Variants in SMIM36 observed in about 807,000 individuals in gnomAD.
SMIM36 encodes small integral membrane protein 36.
intron 4 of SMIM36, among the ~76,000 whole-genome samples, chr17:55,466,746 G>A (rs1236099322): frequency 4.6e-5 from 7 of 152,148 alleles, no homozygotes; most frequent in African/African-American, 9.7e-5. Context: ...GAAGCACCCC[G>A]GGTCTGCTCA....
intron 4 of SMIM36, among the ~76,000 whole-genome samples, chr17:55,463,671 T>C (rs1284846099): frequency 6.6e-6 from 1 of 152,138 alleles, no homozygotes; most frequent in Non-Finnish European, 1.5e-5. Context: ...ACAAATATAA[T>C]AGGAGAATGT....
intron 1 of SMIM36, among the ~76,000 whole-genome samples, chr17:55,497,253 C>T (rs536032830): frequency 6.6e-6 from 1 of 152,030 alleles, no homozygotes; most frequent in Admixed American, 6.6e-5. Context: ...ATTCTACCTT[C>T]TTATTTATTT....
the SMIM36 span, among the ~76,000 whole-genome samples, chr17:55,529,609 TACACACACAC>T: frequency 6.3e-5 from 9 of 142,922 alleles, no homozygotes; most frequent in African/African-American, 2.3e-4. Flanking sequence ...CTACTAAAAA[TACACACACAC>T]ACACACACAC....
chr17:55,489,749 G>A (rs986363574), intron 1 of SMIM36, among the ~76,000 whole-genome samples: 1 of 152,164 alleles, frequency 6.6e-6, no homozygotes, highest in Non-Finnish European at 1.5e-5. Flanking sequence ...TTCCCAACCA[G>A]GCTGTAAATT....
chr17:55,510,696 C>T lies in SMIM36; in HGVS notation c.*174+183G>A, dbSNP rs117263457. On this transcript the variant is annotated intron_variant, in intron 1 of 4. Transcript: ENST00000636752. The stretch of plus-strand genomic sequence containing the variant: ...TTAGTCTCATTCCTTATCACACACA[C>T]GCACGTGCACGTGCACACACACACA... Among the ~76,000 whole-genome samples, 146 of 143,320 alleles carry T rather than the reference C, an allele frequency of 1.0e-3. 2 individuals carry two copies. The East Asian group carries it at 0.023, about 23-fold the overall frequency. 94.0% of individuals were successfully genotyped at this position (143,320 alleles called of 152,430 possible).
intron 4 of SMIM36, among the ~76,000 whole-genome samples, chr17:55,463,007 C>T (rs1221867123): frequency 6.6e-6 from 1 of 152,160 alleles, no homozygotes; most frequent in Admixed American, 6.5e-5. Flanking sequence ...TACCCAAGAA[C>T]ATTTGGCCTC....
In SMIM36 at chr17:55,511,179, G is replaced by A. The variant is rs1054786932; in HGVS notation, c.156C>T (p.Leu52=). Residue 52 remains leucine, a synonymous_variant, in exon 1 of 5, where the codon CTC becomes CTT. Coordinates refer to ENST00000636752, the Ensembl canonical transcript of SMIM36. Reference sequence around the variant, plus strand: ...CCAACCGGATGGAGGGCTGGGCCTCGAGAGTGGCCTCGGGCGCGTACTCCT... The same window carrying A: ...CCAACCGGATGGAGGGCTGGGCCTCAAGAGTGGCCTCGGGCGCGTACTCCT... 122 of 398,612 alleles carry A rather than the reference G, an allele frequency of 3.1e-4. No homozygotes were observed. The East Asian group carries it at 4.2e-3, about 14-fold the overall frequency. 24.7% of individuals were successfully genotyped at this position (398,612 alleles called of 1,614,324 possible). A position where few individuals can be genotyped will look rare whatever the true frequency, so the allele number is the denominator to read the frequency against.
At chr17:55,476,195 C>A (rs1190756479) in intron 3 of SMIM36, among the ~76,000 whole-genome samples, 1 of 152,144 alleles carries the variant, frequency 6.6e-6, no homozygotes, top group Non-Finnish European at 1.5e-5. Context: ...CCAGTTCCTG[C>A]CTTAACTGAT....
chr17:55,521,305 G>T, the SMIM36 span, among the ~76,000 whole-genome samples: 2 of 152,196 alleles, frequency 1.3e-5, no homozygotes, highest in Admixed American at 6.5e-5. Flanking sequence ...GCTTTTGAAA[G>T]TATTGACAAG....
At chr17:55,501,554 TATC>T (rs1448988377) in intron 1 of SMIM36, among the ~76,000 whole-genome samples, 2 of 122,830 alleles carry the variant, frequency 1.6e-5, no homozygotes, top group Non-Finnish European at 3.2e-5. Flanking sequence ...ATATTATATA[TATC>T]ATTATATACA....
chr17:55,524,478 TC>T, the SMIM36 span, among the ~76,000 whole-genome samples: 4 of 152,168 alleles, frequency 2.6e-5, no homozygotes, highest in African/African-American at 9.7e-5. Context: ...GTTTTTTAGC[TC>T]TTTGAGGAAT....
chr17:55,455,771 TGACAGAAG>T (rs1909006562), intron 4 of SMIM36, among the ~76,000 whole-genome samples: 1 of 148,556 alleles, frequency 6.7e-6, no homozygotes, highest in South Asian at 2.2e-4. Flanking sequence ...CCAGCCTGGG[TGACAGAAG>T]GAGAGCTGTT....
At chr17:55,510,908 G>A (rs1297161840) in exon 1 of SMIM36, 1 of 392,616 alleles carries the variant, frequency 2.5e-6, no homozygotes, top group African/African-American at 2.1e-5. Context: ...CACAAAGAAG[G>A]TGACGAGAAA....
chr17:55,452,373 G>A (rs1908936362), intron 4 of SMIM36, among the ~76,000 whole-genome samples: 1 of 152,150 alleles, frequency 6.6e-6, no homozygotes, highest in African/African-American at 2.4e-5. Context: ...ACAGTTTCGT[G>A]TATATAAACA....
chr17:55,465,470 G>C (rs909671686), intron 4 of SMIM36, among the ~76,000 whole-genome samples: 3 of 152,144 alleles, frequency 2.0e-5, no homozygotes, highest in African/African-American at 7.2e-5. Flanking sequence ...TTGGGGTGTG[G>C]TGTGTATGGG....
intron 4 of SMIM36, among the ~76,000 whole-genome samples, chr17:55,459,726 C>T (rs1212765525): frequency 2.0e-5 from 3 of 152,172 alleles, no homozygotes; most frequent in Non-Finnish European, 4.4e-5. Context: ...CTTGGCTGGG[C>T]ATGGTCACAA....
chr17:55,452,644 G>T (rs1908941266), intron 4 of SMIM36, among the ~76,000 whole-genome samples: 1 of 152,230 alleles, frequency 6.6e-6, no homozygotes, highest in African/African-American at 2.4e-5. Context: ...TGGCCATCCT[G>T]TTCCAGAAAA....
intron 4 of SMIM36, among the ~76,000 whole-genome samples, chr17:55,453,271 C>G (rs1567861184): frequency 6.6e-6 from 1 of 150,426 alleles, no homozygotes; most frequent in Non-Finnish European, 1.5e-5. Flanking sequence ...GAGCTATGAT[C>G]AAGCCGCTGT....
chr17:55,530,874 C>A, the SMIM36 span, among the ~76,000 whole-genome samples: 5 of 152,148 alleles, frequency 3.3e-5, no homozygotes, highest in African/African-American at 1.2e-4. Context: ...AAATAAGTGA[C>A]AGGTTGTTTT....
Sources: allele counts gnomAD v4.1 joint callset (sites outside exome capture counted in the v4.1 genomes callset), GRCh38; gene constraint gnomAD v4.1.1; transcripts MANE v1.5; gene names NCBI Gene and HGNC (gene_info 2026-07-23, HGNC 2026-07-21).